CIDEB: variants seen among roughly 807,000 people sequenced by gnomAD.
The protein encoded by CIDEB is cell death inducing DFFA like effector b.
In CIDEB, 27 loss-of-function variants were observed where a neutral mutation model predicts 22.4. The ratio of observed to expected loss-of-function variants is 1.21; its 90% CI spans 0.89 to 1.66. The LOEUF is 1.66. Ranked by LOEUF, CIDEB falls within the 40% of genes most tolerant of loss-of-function variation. The pLI, the probability that CIDEB is intolerant of heterozygous loss-of-function variation, is 0.00. For missense variants in CIDEB, 289 were observed against 268.7 expected, an observed-to-expected ratio of 1.08 and a Z score of -0.53; for synonymous variants, 103 against 109.5, an observed-to-expected ratio of 0.94 and a Z score of 0.37.
intron 2 of CIDEB, 199 bp from the exon 3 acceptor site, chr14:24,306,722 C>T: frequency 1.6e-6 from 1 of 610,754 alleles, no homozygotes; most frequent in Non-Finnish European, 2.8e-6. Context: ...TGACCTTTTT[C>T]CTCTTTGCTC....
At position 24,305,539 on chromosome 14, in the gene CIDEB, G is replaced by A. The variant is rs2041471478; in HGVS notation, c.*94C>T. 2.7e-6 allele frequency: 4 copies of A among 1,494,972 alleles called. No individual in the cohort carries two copies. The highest frequency in any genetic ancestry group is 2.5e-4 in the Middle Eastern group (1 of 4,068). The allele number at this position is 1,494,972 out of a possible 1,614,324, so 92.6% of individuals were successfully genotyped here. ...GTGGGGAAATTGGGTGGGTTATCTA[G>A]CCTGTACTGTCTGCAGGTCCTGAAA... is the stretch of plus-strand genomic sequence containing the variant. On this transcript the variant is annotated 3_prime_UTR_variant, in exon 5 of 5. Coordinates refer to ENST00000554411, the MANE Select transcript of CIDEB (RefSeq NM_001393339.1).
chr14:24,305,538 AGCCTGTACTGTCT>A lies in CIDEB; in HGVS notation c.*82_*94del. ...AGTGGGGAAATTGGGTGGGTTATCT[AGCCTGTACTGTCT>A]GCAGGTCCTGAAATTTGATGCTGTC... On this transcript the variant is annotated 3_prime_UTR_variant, in exon 5 of 5. Coordinates refer to ENST00000554411, the MANE Select transcript of CIDEB (RefSeq NM_001393339.1). The A allele has an allele frequency of 1.3e-6, 2 of 1,494,736 alleles. No homozygotes were observed. Among genetic ancestry groups the A allele is most frequent in the Non-Finnish European group, 1.8e-6 (2 of 1,106,950 alleles). 92.6% of individuals were successfully genotyped at this position (1,494,736 alleles called of 1,614,324 possible).
chr14:24,310,235 A>C (rs1173696712), upstream of CIDEB: 4 of 477,534 alleles, frequency 8.4e-6, no homozygotes, highest in Admixed American at 1.1e-4. Context: ...CAGGCCCCCA[A>C]TCCTGCTTGC....
At chr14:24,311,120 C>T, upstream of CIDEB, 1 of 1,578,900 alleles carries the variant, frequency 6.3e-7, no homozygotes, top group Non-Finnish European at 8.6e-7. Context: ...CCCTGTTGCT[C>T]GCCGTCCCGG....
rs773532477 is a variant in CIDEB at position 24,307,362 on chromosome 14, C to T, written c.186+9G>A. 3 of 1,610,588 alleles carry T rather than the reference C, an allele frequency of 1.9e-6. No individual in the cohort carries two copies. The highest frequency in any genetic ancestry group is 2.5e-6 in the Non-Finnish European group (3 of 1,178,156). ...CTGCTATAGGAACCGAGGAACTTGG[C>T]CTACTTACTTTGGCTAGCAGCTCCT... On this transcript the variant is annotated intron_variant, in intron 2 of 4. Transcript: ENST00000554411.
chr14:24,306,208 G>A, intron 3 of CIDEB, 71 bp from the exon 4 acceptor site: 1 of 1,549,836 alleles, frequency 6.5e-7, no homozygotes, highest in Non-Finnish European at 8.8e-7. Context: ...ATCAGCACTG[G>A]GTCAGACCCT....
chr14:24,305,706 A>G lies in CIDEB; in HGVS notation c.587T>C (p.Ile196Thr), dbSNP rs2041480256. Residue 196 changes from isoleucine (I) to threonine (T), a missense_variant, in exon 5 of 5, where the codon ATT (isoleucine) becomes ACT (threonine). Physicochemically the swap from Ile to Thr is moderately conservative, Grantham distance 89. Transcript: ENST00000554411. ...LQGLGHMLLG[I>T]SSTLRHAVEG... ...CACTGCATGACGAAGGGTGGAGGAAATTCCCAGCAACATATGGCCCAGGCC... is the reference window on the plus strand; with the variant it reads ...CACTGCATGACGAAGGGTGGAGGAAGTTCCCAGCAACATATGGCCCAGGCC... 1.2e-6 allele frequency: 2 copies of G among 1,614,066 alleles called. No individual in the cohort carries two copies. Among genetic ancestry groups the G allele is most frequent in the African/African-American group, 1.3e-5 (1 of 74,928 alleles).
chr14:24,309,771 G>T (rs1333571049), upstream of CIDEB: 1 of 152,624 alleles, frequency 6.6e-6, no homozygotes. Flanking sequence ...GGAGGTAGGA[G>T]GCCAGGGGCT....
At chr14:24,311,435 G>A, upstream of CIDEB, 8 of 1,601,372 alleles carry the variant, frequency 5.0e-6, no homozygotes, top group Non-Finnish European at 6.8e-6. Flanking sequence ...CACCGGAAGG[G>A]GCCTTGGCGA....
Position 24,307,351 on chromosome 14 carries a change from G to A in CIDEB, c.186+20C>T, listed in dbSNP as rs376584619. 4.4e-5 allele frequency: 70 copies of A among 1,606,618 alleles called. 2 individuals are homozygous for A. The highest frequency in any genetic ancestry group is 1.6e-4 in the African/African-American group (12 of 74,736). On this transcript the variant is annotated intron_variant, in intron 2 of 4. Transcript: ENST00000554411. ...CTTGGCTACCCCTGCTATAGGAACCGAGGAACTTGGCCTACTTACTTTGGC... is the reference window on the plus strand; with the variant it reads ...CTTGGCTACCCCTGCTATAGGAACCAAGGAACTTGGCCTACTTACTTTGGC...
chr14:24,307,480 C>G lies in CIDEB; in HGVS notation c.77G>C (p.Arg26Thr). 6.2e-7 allele frequency: 1 copy of G among 1,614,058 alleles called. No individual in the cohort carries two copies. Among genetic ancestry groups the G allele is most frequent in the Non-Finnish European group, 8.5e-7 (1 of 1,179,982 alleles). The change falls in exon 2 of 5, where the codon AGG (arginine) becomes ACG (threonine). Residue 26 changes from arginine to threonine, a missense_variant. Physicochemically the swap from Arg to Thr is moderately conservative, Grantham distance 71. Coordinates refer to ENST00000554411, the MANE Select transcript of CIDEB (RefSeq NM_001393339.1). Reference protein sequence around the residue: ...VSNISSEFGRRVWTSAPPPQR... With the variant: ...VSNISSEFGRTVWTSAPPPQR... ...GGGTGGTGGAGCTGAGGTCCAGACC[C>G]TCCGTCCAAACTCCGAGCTTATATT...
upstream of CIDEB, chr14:24,310,098 C>A: frequency 5.9e-6 from 1 of 168,544 alleles, no homozygotes. Context: ...GAGGGAGGGG[C>A]CCCAGGAGAG....
intron 1 of CIDEB, 71 bp downstream of exon 1, chr14:24,307,747 G>T: frequency 6.8e-7 from 1 of 1,477,762 alleles, no homozygotes; most frequent in Non-Finnish European, 9.3e-7. Context: ...TCTCCTAGGG[G>T]CTGAGTGGAG....
intron 4 of CIDEB, 67 bp downstream of exon 4, chr14:24,305,880 A>G: frequency 6.3e-7 from 1 of 1,583,624 alleles, no homozygotes; most frequent in Non-Finnish European, 8.6e-7. Context: ...AGGTGGGTGC[A>G]AGAGGACGAA....
At chr14:24,309,084 A>C (rs2041609347), upstream of CIDEB, 1 of 152,228 alleles carries the variant, frequency 6.6e-6, no homozygotes, top group African/African-American at 2.4e-5. Context: ...GCTGTAGCCC[A>C]CTCATTAAGT....
At chr14:24,307,716 A>G in intron 1 of CIDEB, 102 bp downstream of exon 1, 1 of 1,346,466 alleles carries the variant, frequency 7.4e-7, no homozygotes, top group Non-Finnish European at 1.0e-6. Context: ...GGGGAGCAGG[A>G]GAGGAAGGGG....
At position 24,305,487 on chromosome 14, in the gene CIDEB, G is replaced by A. The variant is rs367691190; in HGVS notation, c.*146C>T. 1 of 955,144 alleles carries A rather than the reference G, an allele frequency of 1.0e-6. No homozygotes were observed. Among genetic ancestry groups the A allele is most frequent in the Non-Finnish European group, 1.6e-6 (1 of 643,258 alleles). 59.2% of individuals were successfully genotyped at this position (955,144 alleles called of 1,614,324 possible). On this transcript the variant is annotated 3_prime_UTR_variant, in exon 5 of 5. Coordinates refer to ENST00000554411, the MANE Select transcript of CIDEB (RefSeq NM_001393339.1). ...GGGATGTGAGGCGTTATGCTGAAAGGTTCTGTCACGAGGGGATCAGAGGAC... is the reference window on the plus strand; with the variant it reads ...GGGATGTGAGGCGTTATGCTGAAAGATTCTGTCACGAGGGGATCAGAGGAC...
rs2041491067 is a variant in CIDEB, at chr14:24,305,974, T to C, written c.500A>G (p.Gln167Arg). 1.2e-6 allele frequency: 2 copies of C among 1,614,080 alleles called. No individual in the cohort carries two copies. Among genetic ancestry groups the C allele is most frequent in the Non-Finnish European group, 1.7e-6 (2 of 1,179,964 alleles). The change falls in exon 4 of 5, where the codon CAA becomes CGA. Residue 167 changes from glutamine (Q) to arginine (R), a missense_variant. By Grantham distance (43) the Gln-to-Arg change is conservative. Coordinates refer to ENST00000554411, the MANE Select transcript of CIDEB (RefSeq NM_001393339.1). ...GAGTACTTTCTTTGGGCCAAGTCCTTGAAAGTCACAACTCATAGAGTAGAG... is the reference window on the plus strand; with the variant it reads ...GAGTACTTTCTTTGGGCCAAGTCCTCGAAAGTCACAACTCATAGAGTAGAG... ...YGLYSMSCDF[Q>R]GLGPKKVLRE...
At chr14:24,310,137 C>A (rs77081487), upstream of CIDEB, 47 of 201,366 alleles carry the variant, frequency 2.3e-4, 1 homozygote, top group East Asian at 4.9e-3. Context: ...CTTGTCCCTC[C>A]CCATTCTTGT....
Sources: allele counts gnomAD v4.1 joint callset, GRCh38; gene constraint gnomAD v4.1.1; transcripts MANE v1.5; gene names NCBI Gene and HGNC (gene_info 2026-07-23, HGNC 2026-07-21).